The following PRDM16 variants were observed in gnomAD, a reference collection of about 807,000 sequenced individuals.
The protein encoded by PRDM16 is PR/SET domain 16.
Under a neutral mutation model 110.6 loss-of-function variants are expected in PRDM16, and 23 were observed. That is an observed-to-expected ratio of 0.21 (90% CI 0.15 to 0.29). PRDM16 has a LOEUF of 0.29. PRDM16 is among the 10% of genes least tolerant of loss of function. The pLI is 1.00. For missense variants in PRDM16, 1,615 were observed against 1,794.3 expected, an observed-to-expected ratio of 0.90 and a Z score of 1.81; for synonymous variants, 799 against 781.8, an observed-to-expected ratio of 1.02 and a Z score of -0.37.
Position 3,402,914 on chromosome 1 carries a change from A to C in PRDM16, c.800A>C (p.Glu267Ala). The change falls in exon 6 of 17, where the codon GAG becomes GCG. Residue 267 changes from glutamate to alanine, a missense_variant. Glu to Ala is a moderately radical substitution (Grantham distance 107, BLOSUM62 -1). Coordinates refer to ENST00000270722, the MANE Select transcript of PRDM16 (RefSeq NM_022114.4). ...GCGCTCTACGAGGGCCTGGCTGAGG[A>C]GCTCAAGCCCGAGGGCCTTGGCGGT... ...GAALYEGLAE[E>A]LKPEGLGGGS... 1 of 1,612,788 alleles carries C rather than the reference A, an allele frequency of 6.2e-7. No individual in the cohort carries two copies. Among genetic ancestry groups the C allele is most frequent in the Non-Finnish European group, 8.5e-7 (1 of 1,179,952 alleles).
rs950997870 is a variant in PRDM16, at chr1:3,390,260, A to C, written c.573+4974A>C. On this transcript the variant is annotated intron_variant, in intron 4 of 16. Transcript: ENST00000270722. The surrounding 1 kb of genome is among the most constrained non-coding windows in gnomAD (Gnocchi z 5.0). ...ATAGGGCAAGAATGTTGGTGGTGGGATGTCAACTGTCTAGTGGGGCTGAAG... is the reference window on the plus strand; with the variant it reads ...ATAGGGCAAGAATGTTGGTGGTGGGCTGTCAACTGTCTAGTGGGGCTGAAG... Among the ~76,000 whole-genome samples the C allele has an allele frequency of 1.3e-5, 2 of 152,070 alleles. No individual in the cohort carries two copies. The highest frequency in any genetic ancestry group is 1.3e-4 in the Admixed American group (2 of 15,278).
intron 2 of PRDM16, chr1:3,207,584 A>G (rs1638782431): frequency 6.6e-6 from 1 of 152,264 alleles, no homozygotes; most frequent in Non-Finnish European, 1.5e-5. Flanking sequence ...AGACACCCGT[A>G]CTTGGCATTC....
intron 3 of PRDM16, among the ~76,000 whole-genome samples, chr1:3,368,005 G>A (rs562543508): frequency 1.5e-4 from 23 of 152,298 alleles, no homozygotes; most frequent in African/African-American, 3.6e-4. Context: ...CTGGAGGAGG[G>A]GACAGAGATG....
intron 3 of PRDM16, among the ~76,000 whole-genome samples, chr1:3,275,234 A>T (rs1214381937): frequency 6.6e-6 from 1 of 152,254 alleles, no homozygotes; most frequent in Non-Finnish European, 1.5e-5. Context: ...GCCAGAATCC[A>T]GCCAAGTGAG....
chr1:3,406,306 C>T (rs967736848), intron 8 of PRDM16, among the ~76,000 whole-genome samples: 1 of 152,120 alleles, frequency 6.6e-6, no homozygotes, highest in South Asian at 2.1e-4. Context: ...CTGAGACTGC[C>T]TGTTCGATGA....
At chr1:3,095,268 G>A (rs940644088) in intron 1 of PRDM16, among the ~76,000 whole-genome samples, 5 of 152,204 alleles carry the variant, frequency 3.3e-5, no homozygotes, top group Non-Finnish European at 5.9e-5. Context: ...GGGTTGAGGT[G>A]GCCCAGGGCT....
At chr1:3,182,388 C>T (rs1287032590) in intron 1 of PRDM16, among the ~76,000 whole-genome samples, 1 of 152,228 alleles carries the variant, frequency 6.6e-6, no homozygotes, top group Non-Finnish European at 1.5e-5. Context: ...GGCTGTTGGG[C>T]TCCTGTCCTG....
intron 1 of PRDM16, among the ~76,000 whole-genome samples, chr1:3,145,028 C>G (rs551580954): frequency 6.6e-6 from 1 of 152,310 alleles, no homozygotes; most frequent in South Asian, 2.1e-4. Flanking sequence ...TCTGCCCACT[C>G]GTCTTGGAAG....
chr1:3,089,921 C>CATTCATTG (rs1433207297), intron 1 of PRDM16, among the ~76,000 whole-genome samples: 3 of 152,154 alleles, frequency 2.0e-5, no homozygotes, highest in Non-Finnish European at 4.4e-5. Flanking sequence ...TCCACTCATT[C>CATTCATTG]ATTCATTCAT....
chr1:3,432,170 C>T, intron 16 of PRDM16, 30 bp downstream of exon 16: 1 of 1,596,752 alleles, frequency 6.3e-7, no homozygotes. Context: ...CCTCCCCCAC[C>T]CCACCTGGCC....
chr1:3,374,375 C>T (rs1642957085), intron 3 of PRDM16, among the ~76,000 whole-genome samples: 1 of 152,232 alleles, frequency 6.6e-6, no homozygotes. Context: ...AGCTGGGATC[C>T]CCGTTACAGA....
rs965315088 is a variant in PRDM16 at position 3,359,354 on chromosome 1, GAACTATC to G, written c.439-25796_439-25790del. On this transcript the variant is annotated intron_variant, in intron 3 of 16. Transcript: ENST00000270722. This position sits in a 1 kb window ranked among gnomAD's most constrained non-coding sequence, Gnocchi z 4.3. ...GTCAATGTCCATGAAAACAGCCTCA[GAACTATC>G]AGGGTCTCCCTTCCGACCAGGGCCT... 6.6e-6 allele frequency among the ~76,000 whole-genome samples: 1 copy of G among 152,206 alleles called. No homozygotes were observed. The highest frequency in any genetic ancestry group is 2.4e-5 in the African/African-American group (1 of 41,460).
At chr1:3,088,612 C>T (rs557789827) in intron 1 of PRDM16, among the ~76,000 whole-genome samples, 2 of 151,218 alleles carry the variant, frequency 1.3e-5, no homozygotes, top group African/African-American at 4.8e-5. Flanking sequence ...ACTACAAGCA[C>T]CTGCCACCAC....
At chr1:3,092,444 A>G (rs1642299645) in intron 1 of PRDM16, among the ~76,000 whole-genome samples, 2 of 152,376 alleles carry the variant, frequency 1.3e-5, no homozygotes, top group Admixed American at 6.5e-5. Flanking sequence ...ACTTGGGTCC[A>G]TGAATGGAGC....
At chr1:3,126,042 TG>T (rs1643197758) in intron 1 of PRDM16, among the ~76,000 whole-genome samples, 1 of 152,358 alleles carries the variant, frequency 6.6e-6, no homozygotes, top group African/African-American at 2.4e-5. Context: ...GATTATGCAT[TG>T]ATCGGGCTGG....
intron 6 of PRDM16, 37 bp downstream of exon 6, chr1:3,403,035 GTACCCTCCTCT>G: frequency 8.0e-7 from 1 of 1,249,808 alleles, no homozygotes; most frequent in Non-Finnish European, 1.1e-6. Flanking sequence ...TCCCCTTCCC[GTACCCTCCTCT>G]GAGTCTTCCT....
intron 9 of PRDM16, among the ~76,000 whole-genome samples, chr1:3,414,153 G>C (rs1569738164): frequency 6.6e-6 from 1 of 152,216 alleles, no homozygotes; most frequent in Non-Finnish European, 1.5e-5. Flanking sequence ...ACTCATGCAG[G>C]GCTGACCGGC....
Position 3,149,830 on chromosome 1 carries a change from G to A in PRDM16, c.38-36295G>A, listed in dbSNP as rs142553140. Among the ~76,000 whole-genome samples, 1,155 of 152,300 alleles carry A rather than the reference G, an allele frequency of 7.6e-3. 14 individuals carry two copies. Among genetic ancestry groups the A allele is most frequent in the African/African-American group, 0.026 (1,070 of 41,564 alleles). On this transcript the variant is annotated intron_variant, in intron 1 of 16. Coordinates refer to ENST00000270722, the MANE Select transcript of PRDM16 (RefSeq NM_022114.4). ...TGGCTGGGGACACAGCAATCCACCC[G>A]CCCTACTCATCCAAGCTTAAGGCCA... is the stretch of plus-strand genomic sequence containing the variant.
chr1:3,101,443 G>C (rs1209749164), intron 1 of PRDM16, among the ~76,000 whole-genome samples: 2 of 152,222 alleles, frequency 1.3e-5, no homozygotes, highest in Non-Finnish European at 2.9e-5. Context: ...GTCCTGAATG[G>C]GCAGCCGCAC....
Sources: allele counts gnomAD v4.1 joint callset (sites outside exome capture counted in the v4.1 genomes callset), GRCh38; gene constraint gnomAD v4.1.1; non-coding constraint Gnocchi (gnomAD v3.1); transcripts MANE v1.5; gene names NCBI Gene and HGNC (gene_info 2026-07-23, HGNC 2026-07-21).